AGBL1: variants seen among roughly 807,000 people sequenced by gnomAD.
The protein encoded by AGBL1 is cytosolic carboxypeptidase 4.
In AGBL1, 130 loss-of-function variants were observed where a neutral mutation model predicts 118.9. That is an observed-to-expected ratio of 1.09 (90% CI 0.95 to 1.26). The LOEUF (loss-of-function observed/expected upper bound fraction) is 1.26. Among genes scored for constraint, AGBL1 ranks in the 50% most tolerant of loss-of-function variants. The probability of loss-of-function intolerance (pLI) is 0.00; values close to 1 mark genes in which losing one functional copy is unlikely to be tolerated. For synonymous variants in AGBL1, 555 were observed against 478.9 expected (o/e 1.16, Z -2.08); for missense variants, 1,584 against 1,298.1 (o/e 1.22, Z -3.38).
chr15:86,345,978 C>G (rs1206653073), intron 17 of AGBL1, among the ~76,000 whole-genome samples: 2 of 151,748 alleles, frequency 1.3e-5, no homozygotes, highest in Non-Finnish European at 2.9e-5. Flanking sequence ...TAGACATACA[C>G]AGCTCTTCCT....
intron 1 of AGBL1, among the ~76,000 whole-genome samples, chr15:86,109,171 G>T (rs1897222254): frequency 6.6e-6 from 1 of 152,128 alleles, no homozygotes; most frequent in Non-Finnish European, 1.5e-5. Flanking sequence ...TACTATTAAT[G>T]TAAAATACAG....
intron 18 of AGBL1, among the ~76,000 whole-genome samples, chr15:86,464,504 C>A (rs536185682): frequency 6.6e-6 from 1 of 152,312 alleles, no homozygotes; most frequent in African/African-American, 2.4e-5. Flanking sequence ...TAGAGGGCAT[C>A]CTTGTCTTGT....
At position 86,154,399 on chromosome 15, in the gene AGBL1, G is replaced by T. The variant is rs765774131; in HGVS notation, c.263-31G>T. On this transcript the variant is annotated intron_variant, in intron 3 of 22. Coordinates refer to ENST00000614907, the MANE Select transcript of AGBL1 (RefSeq NM_001386094.1). ...GTACAATCCAGAATCAATGTGAAGT[G>T]CAACTAAGATAGATTGATTTGTGTT... 2 of 1,604,284 alleles carry T rather than the reference G, an allele frequency of 1.2e-6. 1 individual carries two copies. The highest frequency in any genetic ancestry group is 2.2e-5 in the South Asian group (2 of 89,222).
intron 21 of AGBL1, among the ~76,000 whole-genome samples, chr15:86,583,760 C>A (rs920296734): frequency 3.9e-5 from 6 of 152,152 alleles, no homozygotes; most frequent in African/African-American, 1.4e-4. Context: ...TTTGAGAAAT[C>A]TCCAAACTGC....
chr15:86,382,801 G>T (rs1262336126), intron 17 of AGBL1, among the ~76,000 whole-genome samples: 1 of 151,848 alleles, frequency 6.6e-6, no homozygotes, highest in East Asian at 1.9e-4. Flanking sequence ...ATTAACATAA[G>T]CCCATAACAG....
intron 5 of AGBL1, among the ~76,000 whole-genome samples, chr15:86,223,396 C>T (rs1443711494): frequency 6.6e-6 from 1 of 152,142 alleles, no homozygotes. Flanking sequence ...GGCTGTTCTG[C>T]TTTTCCCAAA....
intron 23 of AGBL1, among the ~76,000 whole-genome samples, chr15:86,978,740 A>C (rs550857657): frequency 6.6e-6 from 1 of 152,292 alleles, no homozygotes; most frequent in Admixed American, 6.5e-5. Flanking sequence ...GCTCTAAGTC[A>C]CTGCAGTTCA....
chr15:86,156,734 T>A (rs1033083715), intron 4 of AGBL1, among the ~76,000 whole-genome samples: 3 of 152,030 alleles, frequency 2.0e-5, no homozygotes, highest in South Asian at 4.1e-4. Context: ...TATTTCTAAT[T>A]ACCCCAAGAA....
At chr15:86,096,915 A>G (rs1033737668) in intron 1 of AGBL1, among the ~76,000 whole-genome samples, 1 of 152,088 alleles carries the variant, frequency 6.6e-6, no homozygotes, top group Non-Finnish European at 1.5e-5. Context: ...ATCTTTTTTC[A>G]TGCTGACCAG....
intron 22 of AGBL1, among the ~76,000 whole-genome samples, chr15:86,817,575 G>GACACACACACACAC (rs61414348): frequency 9.1e-4 from 119 of 130,772 alleles, no homozygotes; most frequent in African/African-American, 3.3e-3. Context: ...GAAAGAGACA[G>GACACACACACACAC]ACACACACAC....
intron 22 of AGBL1, among the ~76,000 whole-genome samples, chr15:86,722,839 T>C (rs950025540): frequency 1.8e-4 from 27 of 151,892 alleles, no homozygotes; most frequent in Non-Finnish European, 1.0e-4. Context: ...AACAAGTGGG[T>C]GAAGGATATG....
intron 22 of AGBL1, among the ~76,000 whole-genome samples, chr15:86,867,769 A>G (rs150394194): frequency 6.9e-4 from 105 of 152,332 alleles, no homozygotes; most frequent in African/African-American, 2.4e-3. Flanking sequence ...AGCAGAGGGA[A>G]ATCAATTAGC....
chr15:86,312,529 A>G (rs1015243109), intron 17 of AGBL1: 2 of 152,360 alleles, frequency 1.3e-5, no homozygotes, highest in East Asian at 1.9e-4. Flanking sequence ...AACTGTGCGC[A>G]TTGTTGCCTT....
At chr15:86,163,197 G>C (rs558729203) in intron 5 of AGBL1, among the ~76,000 whole-genome samples, 1 of 152,336 alleles carries the variant, frequency 6.6e-6, no homozygotes, top group East Asian at 1.9e-4. Context: ...AGTGCTTTGG[G>C]AGGCAAAGGC....
intron 18 of AGBL1, among the ~76,000 whole-genome samples, chr15:86,466,878 A>G (rs1008849020): frequency 1.3e-5 from 2 of 152,172 alleles, no homozygotes; most frequent in Non-Finnish European, 2.9e-5. Flanking sequence ...GCTTCATCCC[A>G]GAGGGGCACC....
chr15:86,369,239 A>G (rs1596025492), intron 17 of AGBL1, among the ~76,000 whole-genome samples: 1 of 152,202 alleles, frequency 6.6e-6, no homozygotes, highest in South Asian at 2.1e-4. Context: ...AAACTAATTC[A>G]TTGTTTAATT....
chr15:86,771,024 A>ATG lies in AGBL1; in HGVS notation c.3158+96593_3158+96594dup, dbSNP rs2078171780. On this transcript the variant is annotated intron_variant, in intron 22 of 22. Transcript: ENST00000614907. Reference sequence around the variant, plus strand: ...CAGGCCTCACTCGTAAAGGCATCCAATGTGTGGTCCTTGCTCTCTTTCCTC... The same window carrying ATG: ...CAGGCCTCACTCGTAAAGGCATCCAATGTGTGTGGTCCTTGCTCTCTTTCCTC... Among the ~76,000 whole-genome samples the ATG allele has an allele frequency of 4.6e-5, 7 of 152,118 alleles. No individual in the cohort carries two copies. In the South Asian group the frequency reaches 1.5e-3, roughly 32 times the overall value.
At chr15:86,598,484 A>G (rs2084442925) in intron 21 of AGBL1, among the ~76,000 whole-genome samples, 1 of 152,102 alleles carries the variant, frequency 6.6e-6, no homozygotes, top group African/African-American at 2.4e-5. Context: ...AATATTAAAA[A>G]TGACATAGAA....
rs756783813 is a variant in AGBL1, at chr15:86,143,747, C to T, written c.164C>T (p.Ala55Val). Residue 55 changes from alanine (A) to valine (V), a missense_variant, in exon 3 of 23, where the codon GCT becomes GTT. Coordinates refer to ENST00000614907, the MANE Select transcript of AGBL1 (RefSeq NM_001386094.1). ...HYMISKGGSE[A>V]LLQTLVDTAR... ...ATGATCAGCAAGGGTGGCAGTGAAG[C>T]TCTTCTGCAGACCCTGGTAGACACA... The T allele has an allele frequency of 9.3e-6, 15 of 1,613,808 alleles. No homozygotes were observed. The highest frequency in any genetic ancestry group is 1.2e-5 in the Non-Finnish European group (14 of 1,179,822).
Sources: gnomAD v4.1 joint callset for allele counts (sites outside exome capture counted in the v4.1 genomes callset) on GRCh38, gnomAD v4.1.1 for gene constraint, MANE v1.5 for transcripts, NCBI Gene and HGNC (gene_info 2026-07-23, HGNC 2026-07-21) for gene names.